PPP2R2C: variants seen among roughly 807,000 people sequenced by gnomAD.
PPP2R2C encodes the protein protein phosphatase 2, regulatory subunit B, gamma.
PPP2R2C carries 10 observed loss-of-function variants against 45.3 expected under a neutral mutation model. The ratio of observed to expected loss-of-function variants is 0.22; its 90% CI spans 0.14 to 0.37. PPP2R2C has a LOEUF of 0.37. Ranked by LOEUF, PPP2R2C falls within the 10% of genes least tolerant of loss-of-function variation. PPP2R2C has a pLI of 1.00. For missense variants in PPP2R2C, 308 were observed against 619.7 expected (o/e 0.50, Z 5.34); for synonymous variants, 257 against 245.4 (o/e 1.05, Z -0.44).
intron 1 of PPP2R2C, among the ~76,000 whole-genome samples, chr4:6,441,632 T>G (rs949032699): frequency 1.3e-5 from 2 of 152,194 alleles, no homozygotes; most frequent in Admixed American, 1.3e-4. Context: ...CAGCCAGGGC[T>G]CTACCCTCAT....
intron 1 of PPP2R2C, among the ~76,000 whole-genome samples, chr4:6,407,178 A>G (rs1157335013): frequency 6.6e-6 from 1 of 152,184 alleles, no homozygotes; most frequent in Non-Finnish European, 1.5e-5. Context: ...TAAACAACCA[A>G]ACGTGTGATA....
intron 6 of PPP2R2C, among the ~76,000 whole-genome samples, chr4:6,344,806 C>G (rs1041299262): frequency 1.3e-5 from 2 of 152,198 alleles, no homozygotes; most frequent in Non-Finnish European, 2.9e-5. Flanking sequence ...AACATAATCA[C>G]TTCCCTGTGG....
rs1021235087 is a variant in PPP2R2C at position 6,321,381 on chromosome 4, C to T, written c.*1921G>A. 3.9e-5 allele frequency: 6 copies of T among 152,482 alleles called. No individual in the cohort carries two copies. Among genetic ancestry groups the T allele is most frequent in the African/African-American group, 1.4e-4 (6 of 41,416 alleles). The allele number at this position is 152,482 out of a possible 1,614,324, so 9.4% of individuals were successfully genotyped here. On this transcript the variant is annotated 3_prime_UTR_variant, in exon 9 of 9. Transcript: ENST00000382599. ...CTTTACAAGGGGGAAAAAAGTAATC[C>T]AATCCTTTGATTGTTAAATTTAATT...
intron 1 of PPP2R2C, among the ~76,000 whole-genome samples, chr4:6,450,605 A>G (rs1720687941): frequency 6.6e-6 from 1 of 152,164 alleles, no homozygotes; most frequent in Non-Finnish European, 1.5e-5. Flanking sequence ...GAGAGACCCC[A>G]GACACAGCAC....
intron 1 of PPP2R2C, among the ~76,000 whole-genome samples, chr4:6,468,105 G>T: frequency 6.6e-6 from 1 of 152,208 alleles, no homozygotes; most frequent in East Asian, 1.9e-4. Context: ...GAGACTAACT[G>T]TTGTGGAGAT....
At chr4:6,512,744 G>A (rs1723709079) in intron 2 of PPP2R2C, among the ~76,000 whole-genome samples, 1 of 151,760 alleles carries the variant, frequency 6.6e-6, no homozygotes, top group African/African-American at 2.4e-5. Context: ...GTGGCAGTGA[G>A]GATAAGACCT....
chr4:6,510,227 A>C (rs1723380254), intron 2 of PPP2R2C, among the ~76,000 whole-genome samples: 1 of 148,254 alleles, frequency 6.7e-6, no homozygotes, highest in Non-Finnish European at 1.5e-5. Context: ...GCCCCCTTTC[A>C]CCACCTCCCA....
chr4:6,560,050 G>C (rs1164669294), intron 1 of PPP2R2C, among the ~76,000 whole-genome samples: 1 of 152,242 alleles, frequency 6.6e-6, no homozygotes, highest in Non-Finnish European at 1.5e-5. Flanking sequence ...TGTCCCTTAA[G>C]GTGTTGGGGG....
intron 1 of PPP2R2C, among the ~76,000 whole-genome samples, chr4:6,386,030 A>G (rs77125446): frequency 6.6e-6 from 1 of 152,328 alleles, no homozygotes; most frequent in Non-Finnish European, 1.5e-5. Context: ...ACTGTCTGCC[A>G]GGCCCTGCTC....
intron 1 of PPP2R2C, among the ~76,000 whole-genome samples, chr4:6,402,514 C>A (rs145502912): frequency 6.6e-6 from 1 of 152,206 alleles, no homozygotes; most frequent in Non-Finnish European, 1.5e-5. Context: ...TCCTTCTTGC[C>A]TTCCTTCCTT....
chr4:6,386,828 A>C (rs1418371273), intron 1 of PPP2R2C, among the ~76,000 whole-genome samples: 4 of 152,252 alleles, frequency 2.6e-5, no homozygotes, highest in Non-Finnish European at 4.4e-5. Context: ...ACTGTGTTAA[A>C]AGACGTAAAG....
intron 2 of PPP2R2C, among the ~76,000 whole-genome samples, chr4:6,511,626 G>T (rs1053906652): frequency 2.6e-4 from 29 of 109,736 alleles, no homozygotes; most frequent in East Asian, 2.7e-4. Context: ...TGATGGTGGT[G>T]GTGGTGGTGG....
chr4:6,442,926 G>T (rs74545276), intron 1 of PPP2R2C, among the ~76,000 whole-genome samples: 1 of 152,128 alleles, frequency 6.6e-6, no homozygotes, highest in Non-Finnish European at 1.5e-5. Flanking sequence ...TCGCCCAAGG[G>T]GGGCACCCAT....
rs541657064 is a variant in PPP2R2C at position 6,505,177 on chromosome 4, GT to G, written c.49+30093del. Among the ~76,000 whole-genome samples, 430 of 151,872 alleles carry G rather than the reference GT, an allele frequency of 2.8e-3. 2 individuals are homozygous for G. Among genetic ancestry groups the G allele is most frequent in the African/African-American group, 9.6e-3 (399 of 41,476 alleles). ...AAAGTGCTTGGAAAAAAAAAAGCCTGTCAATCCAGAATATTATATTCAGTGA... is the reference window on the plus strand; with the variant it reads ...AAAGTGCTTGGAAAAAAAAAAGCCTGCAATCCAGAATATTATATTCAGTGA... On this transcript the variant is annotated intron_variant, in intron 2 of 9. Transcript: ENST00000506140.
At chr4:6,446,247 C>T (rs1035765330) in intron 1 of PPP2R2C, among the ~76,000 whole-genome samples, 4 of 152,228 alleles carry the variant, frequency 2.6e-5, no homozygotes, top group African/African-American at 7.2e-5. Flanking sequence ...AACCACCCCC[C>T]ACTTTTCAAA....
chr4:6,548,942 C>T (rs572453020), intron 1 of PPP2R2C, among the ~76,000 whole-genome samples: 9 of 152,342 alleles, frequency 5.9e-5, no homozygotes, highest in East Asian at 1.9e-4. Context: ...GCCCTCTCCC[C>T]GCCTTCCCTC....
Position 6,332,269 on chromosome 4 carries a change from G to A in PPP2R2C, c.960+1293C>T, listed in dbSNP as rs530272510. Reference sequence around the variant, plus strand: ...AGAGTTGCTCCTGCAGGCTTGAGCCGGGCTTATCCTGTCCCTCTCCTAGTC... The same window carrying A: ...AGAGTTGCTCCTGCAGGCTTGAGCCAGGCTTATCCTGTCCCTCTCCTAGTC... On this transcript the variant is annotated intron_variant, in intron 7 of 8. Coordinates refer to ENST00000382599, the MANE Select transcript of PPP2R2C (RefSeq NM_020416.4). The surrounding 1 kb of genome is among the most constrained non-coding windows in gnomAD (Gnocchi z 4.9). 2.0e-5 allele frequency among the ~76,000 whole-genome samples: 3 copies of A among 152,170 alleles called. No homozygotes were observed. Among genetic ancestry groups the A allele is most frequent in the South Asian group, 2.1e-4 (1 of 4,826 alleles).
intron 6 of PPP2R2C, among the ~76,000 whole-genome samples, chr4:6,344,664 A>G (rs953141720): frequency 4.6e-5 from 7 of 152,220 alleles, no homozygotes; most frequent in African/African-American, 1.7e-4. Flanking sequence ...ACAGAAAAAT[A>G]AAAAGAAAAT....
At chr4:6,541,580 T>C (rs984396413) in intron 1 of PPP2R2C, among the ~76,000 whole-genome samples, 1 of 152,058 alleles carries the variant, frequency 6.6e-6, no homozygotes, top group Non-Finnish European at 1.5e-5. Flanking sequence ...AGAGTCCCAC[T>C]CTGTCACCCA....
Sources: allele counts gnomAD v4.1 joint callset (sites outside exome capture counted in the v4.1 genomes callset), GRCh38; gene constraint gnomAD v4.1.1; non-coding constraint Gnocchi (gnomAD v3.1); transcripts MANE v1.5; gene names NCBI Gene and HGNC (gene_info 2026-07-23, HGNC 2026-07-21).